Variants in ITPR1 observed in about 807,000 individuals in gnomAD.
The protein encoded by ITPR1 is inositol 1,4,5-trisphosphate-gated calcium channel ITPR1.
In ITPR1, 96 loss-of-function variants were observed where a neutral mutation model predicts 318.4. The ratio of observed to expected loss-of-function variants is 0.30; its 90% CI spans 0.26 to 0.36. The LOEUF (loss-of-function observed/expected upper bound fraction) is 0.36. ITPR1 is among the 10% of genes least tolerant of loss of function. The pLI, the probability that ITPR1 is intolerant of heterozygous loss-of-function variation, is 1.00. For synonymous variants in ITPR1, 1,312 were observed against 1,289.9 expected, an observed-to-expected ratio of 1.02 and a Z score of -0.37; for missense variants, 2,440 against 3,460.2, an observed-to-expected ratio of 0.71 and a Z score of 7.40.
At chr3:4,831,123 T>TCACACACACA (rs1318497804) in intron 60 of ITPR1, 20 of 248,368 alleles carry the variant, frequency 8.1e-5, no homozygotes, top group African/African-American at 3.1e-4. Flanking sequence ...TCTCTCTCTC[T>TCACACACACA]CTCTCTCTCA....
At chr3:4,746,926 A>C (rs2125338267) in intron 44 of ITPR1, among the ~76,000 whole-genome samples, 1 of 152,322 alleles carries the variant, frequency 6.6e-6, no homozygotes, top group Non-Finnish European at 1.5e-5. Flanking sequence ...CCCAGCACTC[A>C]GACTGTAAAT....
intron 44 of ITPR1, among the ~76,000 whole-genome samples, chr3:4,760,954 C>T (rs1456248399): frequency 2.0e-5 from 3 of 152,232 alleles, no homozygotes. Context: ...ACAGCATTTT[C>T]ACAGGTTCCA....
chr3:4,837,097 A>T, intron 61 of ITPR1, 162 bp downstream of exon 61: 1 of 515,260 alleles, frequency 1.9e-6, no homozygotes. Context: ...CAGTCTCCTC[A>T]CCCCAATCCC....
chr3:4,555,644 CA>C (rs1421509017), intron 4 of ITPR1, among the ~76,000 whole-genome samples: 1 of 152,112 alleles, frequency 6.6e-6, no homozygotes, highest in Non-Finnish European at 1.5e-5. Flanking sequence ...TAGTTTTTTT[CA>C]GCATTTGAGG....
chr3:4,580,656 C>T lies in ITPR1; in HGVS notation c.164-47107C>T, dbSNP rs76335265. On this transcript the variant is annotated intron_variant, in intron 4 of 61. Transcript: ENST00000649015. ...GCCGTCCCAGGTGTTGTTCATAGTC[C>T]TCCACTACTGTCCTTACCCCCAACC... is the stretch of plus-strand genomic sequence containing the variant. 1.9e-3 allele frequency among the ~76,000 whole-genome samples: 287 copies of T among 150,976 alleles called. 2 individuals are homozygous for T. The highest frequency in any genetic ancestry group is 6.8e-3 in the African/African-American group (273 of 40,320).
At chr3:4,535,567 C>T (rs1310870665) in intron 4 of ITPR1, among the ~76,000 whole-genome samples, 3 of 150,848 alleles carry the variant, frequency 2.0e-5, no homozygotes, top group African/African-American at 4.9e-5. Flanking sequence ...CTCAGCCTCC[C>T]GAGTAGCTGG....
chr3:4,554,761 C>T (rs2085961724), intron 4 of ITPR1, among the ~76,000 whole-genome samples: 1 of 151,974 alleles, frequency 6.6e-6, no homozygotes, highest in African/African-American at 2.4e-5. Context: ...GACAACCTGC[C>T]CCTGATTTTA....
In ITPR1 at chr3:4,800,609, G is replaced by A. The variant is rs773426222; in HGVS notation, c.7107+9G>A. On this transcript the variant is annotated intron_variant, in intron 54 of 61. Coordinates refer to ENST00000649015, the MANE Select transcript of ITPR1 (RefSeq NM_001378452.1). The stretch of plus-strand genomic sequence containing the variant: ...TTCTGGGCGCTTTCAATGTAAGTGT[G>A]AATACCTTCCTTGCCACTGTTTTGT... 1.2e-6 allele frequency: 2 copies of A among 1,612,542 alleles called. No homozygotes were observed. Among genetic ancestry groups the A allele is most frequent in the African/African-American group, 2.7e-5 (2 of 74,904 alleles).
chr3:4,771,969 G>A (rs2046219396), intron 46 of ITPR1, among the ~76,000 whole-genome samples: 1 of 152,136 alleles, frequency 6.6e-6, no homozygotes, highest in Admixed American at 6.5e-5. Context: ...GAGCCCCCAG[G>A]GTTCTGCAGG....
intron 2 of ITPR1, among the ~76,000 whole-genome samples, chr3:4,507,209 GC>G (rs1183153370): frequency 6.6e-6 from 1 of 150,596 alleles, no homozygotes; most frequent in Non-Finnish European, 1.5e-5. Flanking sequence ...TACATCATGT[GC>G]CTTGCAGCCT....
At chr3:4,745,558 C>T (rs1361080318) in intron 44 of ITPR1, among the ~76,000 whole-genome samples, 1 of 152,192 alleles carries the variant, frequency 6.6e-6, no homozygotes. Context: ...CTTCTCAGGG[C>T]ATATACGGTT....
chr3:4,782,483 T>A, intron 49 of ITPR1, 136 bp from the exon 50 acceptor site: 1 of 772,428 alleles, frequency 1.3e-6, no homozygotes. Context: ...TCTGAGGCTG[T>A]GTCCAAGCCC....
chr3:4,506,293 T>C (rs547046892), intron 2 of ITPR1, among the ~76,000 whole-genome samples: 1 of 152,322 alleles, frequency 6.6e-6, no homozygotes, highest in East Asian at 1.9e-4. Flanking sequence ...GCTGCAGACA[T>C]TGGGCTGGCT....
At chr3:4,818,020 T>C (rs1021057984) in intron 59 of ITPR1, 62 bp from the exon 60 acceptor site, 2 of 1,420,232 alleles carry the variant, frequency 1.4e-6, no homozygotes, top group African/African-American at 2.9e-5. Flanking sequence ...GTTCTGTTAT[T>C]GATTTTTTTT....
intron 33 of ITPR1, among the ~76,000 whole-genome samples, chr3:4,694,388 T>G (rs2094525327): frequency 6.6e-6 from 1 of 150,842 alleles, no homozygotes; most frequent in African/African-American, 2.4e-5. Context: ...TGTGTAATAT[T>G]AGTTTGTAGT....
chr3:4,717,456 CTT>C, intron 40 of ITPR1, 57 bp downstream of exon 40: 1 of 1,350,508 alleles, frequency 7.4e-7, no homozygotes, highest in Non-Finnish European at 1.0e-6. Flanking sequence ...TCCGTGACAC[CTT>C]CCCAGTTAGC....
chr3:4,559,312 A>G (rs2086448658), intron 4 of ITPR1, among the ~76,000 whole-genome samples: 3 of 152,100 alleles, frequency 2.0e-5, no homozygotes, highest in Admixed American at 2.0e-4. Context: ...TGACTTACTG[A>G]ATAATATTTG....
chr3:4,683,797 A>G lies in ITPR1; in HGVS notation c.3497A>G (p.Glu1166Gly), dbSNP rs1407011714. Residue 1166 changes from glutamate (E) to glycine (G), a missense_variant and splice_region_variant, in exon 28 of 62, where the codon GAG (glutamate) becomes GGG (glycine). This residue lies in a region of ITPR1 where 86 missense variants were observed against 75.6 expected (regional missense o/e 1.14). Coordinates refer to ENST00000649015, the MANE Select transcript of ITPR1 (RefSeq NM_001378452.1). Reference protein sequence around the residue: ...ASGENEHKKTEEGNNKPQKHE... With the variant: ...ASGENEHKKTGEGNNKPQKHE... ...GGAGAAAATGAACATAAGAAAACGGAGGTGAGTGAAACACAAGTTATGCTG... is the reference window on the plus strand; with the variant it reads ...GGAGAAAATGAACATAAGAAAACGGGGGTGAGTGAAACACAAGTTATGCTG... 1 of 1,612,842 alleles carries G rather than the reference A, an allele frequency of 6.2e-7. No individual in the cohort carries two copies.
chr3:4,493,844 C>T (rs1443557396), intron 1 of ITPR1, among the ~76,000 whole-genome samples: 1 of 151,760 alleles, frequency 6.6e-6, no homozygotes, highest in Admixed American at 6.6e-5. Context: ...ATGTGGCATT[C>T]CCCCAAGTTG....
Sources: gnomAD v4.1 joint callset for allele counts (sites outside exome capture counted in the v4.1 genomes callset) on GRCh38, gnomAD v4.1.1 for gene constraint, gnomAD v4.1.1 regional missense constraint, MANE v1.5 for transcripts, NCBI Gene and HGNC (gene_info 2026-07-23, HGNC 2026-07-21) for gene names.